MBD5: variants seen among roughly 807,000 people sequenced by gnomAD.
MBD5 encodes methyl-CpG binding domain protein 5, also known as methyl-CpG-binding domain protein 5.
In MBD5, 13 loss-of-function variants were observed where a neutral mutation model predicts 117.3. The ratio of observed to expected loss-of-function variants is 0.11; its 90% confidence interval spans 0.07 to 0.18. The LOEUF is 0.18. Ranked by LOEUF, MBD5 falls within the 10% of genes least tolerant of loss-of-function variation. The pLI, the probability that MBD5 is intolerant of heterozygous loss-of-function variation, is 1.00. For missense variants in MBD5, 1,879 were observed against 2,093.8 expected (o/e 0.90, Z 2.00); for synonymous variants, 727 against 766.4 (o/e 0.95, Z 0.85).
chr2:148,273,971 T>C (rs1210254995), intron 3 of MBD5, among the ~76,000 whole-genome samples: 1 of 152,208 alleles, frequency 6.6e-6, no homozygotes, highest in African/African-American at 2.4e-5. Flanking sequence ...TTTCTCTTCC[T>C]TTATTCTGCT....
intron 2 of MBD5, among the ~76,000 whole-genome samples, chr2:148,187,933 C>A (rs1484745360): frequency 1.3e-5 from 2 of 152,092 alleles, no homozygotes; most frequent in African/African-American, 2.4e-5. Flanking sequence ...AAGTAAAAAA[C>A]ACTGAAAAAT....
chr2:148,221,655 T>C (rs1311615287), intron 2 of MBD5, among the ~76,000 whole-genome samples: 1 of 152,162 alleles, frequency 6.6e-6, no homozygotes, highest in African/African-American at 2.4e-5. Context: ...ATATTCTAGT[T>C]ATTAACCCCT....
chr2:148,470,799 T>TG (rs1187851949), intron 8 of MBD5: 2 of 327,992 alleles, frequency 6.1e-6, no homozygotes, highest in Non-Finnish European at 1.1e-5. Context: ...GACATGTCCT[T>TG]GGTCTATGCC....
intron 4 of MBD5, among the ~76,000 whole-genome samples, chr2:148,447,963 C>G (rs1312325787): frequency 6.6e-6 from 1 of 152,024 alleles, no homozygotes; most frequent in Non-Finnish European, 1.5e-5. Context: ...TCCTCTAAAA[C>G]ACTCTATGCC....
intron 3 of MBD5, chr2:148,330,641 G>A (rs767981107): frequency 1.1e-4 from 17 of 152,146 alleles, no homozygotes; most frequent in Non-Finnish European, 2.2e-4. Flanking sequence ...TAGTTAATCA[G>A]GCATGATTGT....
intron 3 of MBD5, among the ~76,000 whole-genome samples, chr2:148,336,384 T>A (rs1467233081): frequency 6.6e-6 from 1 of 152,100 alleles, no homozygotes; most frequent in Non-Finnish European, 1.5e-5. Context: ...CCTTCTACTC[T>A]TCTTTTCTTT....
At chr2:148,265,231 T>C (rs1700829229) in intron 3 of MBD5, among the ~76,000 whole-genome samples, 1 of 152,090 alleles carries the variant, frequency 6.6e-6, no homozygotes, top group African/African-American at 2.4e-5. Context: ...AAAACACAAG[T>C]AAAGGAAAAG....
At chr2:148,296,864 A>ATTTTTTTCT (rs1701665935) in intron 3 of MBD5, among the ~76,000 whole-genome samples, 1 of 61,310 alleles carries the variant, frequency 1.6e-5, no homozygotes, top group Admixed American at 2.7e-4. Context: ...TAGTTCTTCA[A>ATTTTTTTCT]TTTTTTTTTT....
chr2:148,289,217 C>A (rs1701441616), intron 3 of MBD5, among the ~76,000 whole-genome samples: 1 of 152,164 alleles, frequency 6.6e-6, no homozygotes. Flanking sequence ...AACTTTACTC[C>A]TATTTAATGT....
intron 3 of MBD5, among the ~76,000 whole-genome samples, chr2:148,267,800 A>T (rs1370216842): frequency 1.3e-5 from 2 of 151,946 alleles, no homozygotes; most frequent in African/African-American, 4.8e-5. Context: ...GATTTTTTCC[A>T]TATGAATTAC....
chr2:148,209,425 A>G (rs1487637132), intron 2 of MBD5, among the ~76,000 whole-genome samples: 2 of 152,152 alleles, frequency 1.3e-5, no homozygotes, highest in Admixed American at 6.5e-5. Context: ...GGCACCATCT[A>G]TGAAGAACAG....
intron 3 of MBD5, among the ~76,000 whole-genome samples, chr2:148,331,348 A>G (rs1343061010): frequency 6.6e-6 from 1 of 151,268 alleles, no homozygotes; most frequent in Non-Finnish European, 1.5e-5. Flanking sequence ...TCAGTTTCCA[A>G]TCCCCAGATG....
intron 3 of MBD5, among the ~76,000 whole-genome samples, chr2:148,288,764 A>C (rs896940697): frequency 5.3e-5 from 8 of 152,170 alleles, no homozygotes; most frequent in Non-Finnish European, 8.8e-5. Flanking sequence ...AAAAAGGAAA[A>C]AAAAACAGTA....
At chr2:148,414,719 C>T (rs1705367670) in intron 4 of MBD5, among the ~76,000 whole-genome samples, 1 of 152,100 alleles carries the variant, frequency 6.6e-6, no homozygotes, top group African/African-American at 2.4e-5. Context: ...ATGTAATGCT[C>T]TTCTTTGTCT....
intron 3 of MBD5, among the ~76,000 whole-genome samples, chr2:148,254,462 C>T (rs1700536450): frequency 6.6e-6 from 1 of 152,118 alleles, no homozygotes. Flanking sequence ...AGTTATGACA[C>T]CTGCTCCAGG....
chr2:148,423,433 T>C (rs1705673998), intron 4 of MBD5, among the ~76,000 whole-genome samples: 1 of 152,152 alleles, frequency 6.6e-6, no homozygotes, highest in Non-Finnish European at 1.5e-5. Flanking sequence ...ACCCAGAATT[T>C]CATATCCAGC....
At position 148,052,366 on chromosome 2, in the gene MBD5, A is replaced by T. The variant is rs957620385; in HGVS notation, c.-925+30682A>T. ...GCTGGGATTACAGGCATGTGACACC[A>T]CACCCAGCTAATTGTGTATTTTCAG... On this transcript the variant is annotated intron_variant, in intron 1 of 13. Coordinates refer to ENST00000642680, the MANE Select transcript of MBD5 (RefSeq NM_001378120.1). 3.3e-5 allele frequency among the ~76,000 whole-genome samples: 5 copies of T among 151,852 alleles called. No individual in the cohort carries two copies. The East Asian group carries it at 9.7e-4, about 29-fold the overall frequency.
chr2:148,072,521 A>AT (rs1019239415), intron 1 of MBD5, among the ~76,000 whole-genome samples: 4 of 152,126 alleles, frequency 2.6e-5, no homozygotes, highest in African/African-American at 9.6e-5. Context: ...TAAGCTTAGA[A>AT]TTTTTTTTCT....
chr2:148,388,530 T>C (rs1048813420), intron 4 of MBD5, among the ~76,000 whole-genome samples: 1 of 152,208 alleles, frequency 6.6e-6, no homozygotes, highest in African/African-American at 2.4e-5. Flanking sequence ...ATTTTATACA[T>C]CATATAATTA....
Sources: allele counts gnomAD v4.1 joint callset (sites outside exome capture counted in the v4.1 genomes callset), GRCh38; gene constraint gnomAD v4.1.1; transcripts MANE v1.5; gene names NCBI Gene and HGNC (gene_info 2026-07-23, HGNC 2026-07-21).